ARNT2: variants seen among roughly 807,000 people sequenced by gnomAD.
ARNT2 encodes aryl hydrocarbon receptor nuclear translocator 2, also known as ARNT protein 2.
In ARNT2, 36 loss-of-function variants were observed where a neutral mutation model predicts 91.7. The ratio of observed to expected loss-of-function variants is 0.39; its 90% CI spans 0.30 to 0.52. The LOEUF is 0.52. Among genes scored for constraint, ARNT2 ranks in the 20% least tolerant of loss-of-function variants. The pLI is 0.72. For missense variants in ARNT2, 775 were observed against 939.3 expected (o/e 0.83, Z 2.29); for synonymous variants, 365 against 347.1 (o/e 1.05, Z -0.57).
intron 1 of ARNT2, among the ~76,000 whole-genome samples, chr15:80,426,267 T>G (rs901299999): frequency 6.6e-6 from 1 of 152,210 alleles, no homozygotes; most frequent in African/African-American, 2.4e-5. Context: ...GTTGCCTAGC[T>G]CCTTCTGTGA....
At chr15:80,570,722 G>A (rs1176908662) in intron 12 of ARNT2, among the ~76,000 whole-genome samples, 2 of 152,024 alleles carry the variant, frequency 1.3e-5, no homozygotes, top group African/African-American at 2.4e-5. Context: ...TTCTTCCTGA[G>A]GCGTCATCTT....
rs990856928 is a variant in ARNT2 at position 80,442,083 on chromosome 15, G to A, written c.32-8797G>A. Among the ~76,000 whole-genome samples, 7 of 152,212 alleles carry A rather than the reference G, an allele frequency of 4.6e-5. No individual in the cohort carries two copies. The South Asian group carries it at 1.4e-3, about 32-fold the overall frequency. On this transcript the variant is annotated intron_variant, in intron 1 of 18. Transcript: ENST00000303329. ...ACAAGAGCGTTGCATTTGAGTGGGG[G>A]AATAACTCTCGATCTGTAGGGAGTT...
chr15:80,419,277 T>G (rs376684303), intron 1 of ARNT2, among the ~76,000 whole-genome samples: 152 of 152,350 alleles, frequency 1.0e-3, no homozygotes, highest in African/African-American at 3.3e-3. Flanking sequence ...CTGGTACTGC[T>G]GGCCCAGATC....
chr15:80,516,853 A>ATATATATATATATC (rs1157966395), intron 8 of ARNT2, among the ~76,000 whole-genome samples: 5 of 139,046 alleles, frequency 3.6e-5, no homozygotes, highest in African/African-American at 1.3e-4. Context: ...ATATATATAT[A>ATATATATATATATC]TATCCATGTT....
chr15:80,460,142 C>G (rs895165886), intron 3 of ARNT2, among the ~76,000 whole-genome samples: 1 of 152,198 alleles, frequency 6.6e-6, no homozygotes, highest in Non-Finnish European at 1.5e-5. Context: ...GAGCCAGCAC[C>G]CACCGTAGTT....
chr15:80,585,258 T>C (rs183882363), intron 17 of ARNT2, among the ~76,000 whole-genome samples: 1 of 152,344 alleles, frequency 6.6e-6, no homozygotes, highest in East Asian at 1.9e-4. Context: ...ACTAGGAAAC[T>C]ACACAGTCCC....
intron 5 of ARNT2, chr15:80,487,606 C>G (rs2141408843): frequency 1.3e-5 from 2 of 152,420 alleles, no homozygotes; most frequent in Middle Eastern, 3.4e-3. Flanking sequence ...AGATGTTGGA[C>G]TTAGATAGCT....
intron 6 of ARNT2, among the ~76,000 whole-genome samples, chr15:80,509,351 A>G (rs1342824914): frequency 6.6e-6 from 1 of 152,108 alleles, no homozygotes; most frequent in Non-Finnish European, 1.5e-5. Flanking sequence ...CTGAGGTGAG[A>G]TGATCGCTTG....
chr15:80,590,947 A>G (rs549048493), intron 17 of ARNT2, among the ~76,000 whole-genome samples: 2 of 152,334 alleles, frequency 1.3e-5, no homozygotes, highest in East Asian at 3.9e-4. Context: ...CACTCTGCCA[A>G]AGAGCCAGGC....
At chr15:80,588,523 C>A (rs1223864906) in intron 17 of ARNT2, among the ~76,000 whole-genome samples, 1 of 152,130 alleles carries the variant, frequency 6.6e-6, no homozygotes, top group Non-Finnish European at 1.5e-5. Flanking sequence ...CAAAATTGGT[C>A]ATACTGACAG....
At chr15:80,502,345 C>G (rs1044695295) in intron 5 of ARNT2, among the ~76,000 whole-genome samples, 1 of 152,158 alleles carries the variant, frequency 6.6e-6, no homozygotes, top group African/African-American at 2.4e-5. Flanking sequence ...GAGGACACGT[C>G]CTGAGAGGGA....
At chr15:80,516,466 T>C (rs1262342224) in intron 8 of ARNT2, among the ~76,000 whole-genome samples, 1 of 152,210 alleles carries the variant, frequency 6.6e-6, no homozygotes, top group Non-Finnish European at 1.5e-5. Context: ...CTGCTTTGTA[T>C]GAAATTAATA....
Position 80,404,689 on chromosome 15 carries a change from G to A in ARNT2, c.31+143G>A, listed in dbSNP as rs1895572142. 2.5e-6 allele frequency: 1 copy of A among 403,988 alleles called. No homozygotes were observed. Among genetic ancestry groups the A allele is most frequent in the Non-Finnish European group, 3.4e-6 (1 of 295,704 alleles). 25.0% of individuals were successfully genotyped at this position (403,988 alleles called of 1,614,324 possible). A position where few individuals can be genotyped will look rare whatever the true frequency, so the allele number is the denominator to read the frequency against. On this transcript the variant is annotated intron_variant, in intron 1 of 18. Transcript: ENST00000303329. This position sits in a 1 kb window ranked among gnomAD's most constrained non-coding sequence, Gnocchi z 5.5. ...GTGGTGGAGCGGCTGTCACTACGCG[G>A]CAGCCGCAGCATCAGCACCAGAGCG...
intron 5 of ARNT2, among the ~76,000 whole-genome samples, chr15:80,500,327 A>G (rs1444497582): frequency 6.6e-6 from 1 of 152,164 alleles, no homozygotes; most frequent in Non-Finnish European, 1.5e-5. Context: ...CACATCAAAT[A>G]TTGTCCTTCA....
intron 8 of ARNT2, among the ~76,000 whole-genome samples, chr15:80,540,577 G>C (rs1336433830): frequency 6.6e-6 from 1 of 152,086 alleles, no homozygotes; most frequent in Non-Finnish European, 1.5e-5. Flanking sequence ...CTGAGGTTTA[G>C]GGTATGGTTG....
intron 5 of ARNT2, among the ~76,000 whole-genome samples, chr15:80,497,512 A>G (rs1897138002): frequency 6.6e-6 from 1 of 152,218 alleles, no homozygotes; most frequent in African/African-American, 2.4e-5. Context: ...CAGGGCCTCT[A>G]AGTAATAGCC....
intron 1 of ARNT2, among the ~76,000 whole-genome samples, chr15:80,422,743 TATA>T (rs1895877570): frequency 1.4e-5 from 2 of 144,954 alleles, no homozygotes; most frequent in South Asian, 4.5e-4. Flanking sequence ...ACTAAGTAAG[TATA>T]ATAATATTTC....
At position 80,574,157 on chromosome 15, in the gene ARNT2, G is replaced by T. The variant is rs1426524697; in HGVS notation, c.1326G>T (p.Gln442His). ...ICTNTNVKQL[Q>H]QQQAELEVHQ... ...TCTTCTTGTTTCACAGGCAACTTCA[G>T]CAACAGCAGGCAGAATTGGAAGTGC... The change falls in exon 13 of 19, where the codon CAG becomes CAT. Residue 442 changes from glutamine to histidine, a missense_variant. Physicochemically the swap from Gln to His is conservative, Grantham distance 24. Transcript: ENST00000303329. 6.2e-7 allele frequency: 1 copy of T among 1,614,174 alleles called. No homozygotes were observed. The highest frequency in any genetic ancestry group is 8.5e-7 in the Non-Finnish European group (1 of 1,180,024).
chr15:80,560,784 G>A (rs1898325341), intron 11 of ARNT2, among the ~76,000 whole-genome samples: 1 of 152,238 alleles, frequency 6.6e-6, no homozygotes. Context: ...GAAACAGCCA[G>A]GTTGCTGTTG....
Sources: allele counts gnomAD v4.1 joint callset (sites outside exome capture counted in the v4.1 genomes callset), GRCh38; gene constraint gnomAD v4.1.1; non-coding constraint Gnocchi (gnomAD v3.1); transcripts MANE v1.5; gene names NCBI Gene and HGNC (gene_info 2026-07-23, HGNC 2026-07-21).